The following CYP39A1 variants were observed in gnomAD, a reference collection of about 807,000 sequenced individuals.
The protein encoded by CYP39A1 is cytochrome P450 family 39 subfamily A member 1, also known as 24-hydroxycholesterol 7-alpha-hydroxylase.
In CYP39A1, 49 loss-of-function variants were observed where a neutral mutation model predicts 58.1. That is an observed-to-expected ratio of 0.84 (90% CI 0.67 to 1.07). CYP39A1 has a LOEUF of 1.07. CYP39A1 is among the 50% of genes least tolerant of loss of function. The pLI, the probability that CYP39A1 is intolerant of heterozygous loss-of-function variation, is 0.00. For missense variants in CYP39A1, 531 were observed against 539.4 expected (o/e 0.98, Z 0.16); for synonymous variants, 209 against 187.6 (o/e 1.11, Z -0.93).
chr6:46,575,390 A>T (rs1345376185), intron 10 of CYP39A1, among the ~76,000 whole-genome samples: 2 of 152,172 alleles, frequency 1.3e-5, no homozygotes, highest in Non-Finnish European at 2.9e-5. Flanking sequence ...AGCACACCCC[A>T]GTCTGCTGGC....
chr6:46,647,231 A>C (rs1762381459), intron 1 of CYP39A1, among the ~76,000 whole-genome samples: 1 of 152,198 alleles, frequency 6.6e-6, no homozygotes, highest in Non-Finnish European at 1.5e-5. Flanking sequence ...ATTTTTCAAG[A>C]GACTGGGTTA....
Position 46,550,297 on chromosome 6 carries a change from C to G in CYP39A1, c.*69G>C, listed in dbSNP as rs545044979. ...CAGTGTGTTTTTGTAGAGCTCAGGT[C>G]TAGGTGCTGCCAGGTGGGGTAGTGC... is the stretch of plus-strand genomic sequence containing the variant. On this transcript the variant is annotated 3_prime_UTR_variant, in exon 12 of 12. Coordinates refer to ENST00000275016, the MANE Select transcript of CYP39A1 (RefSeq NM_016593.5). The G allele has an allele frequency of 5.7e-4, 736 of 1,293,296 alleles. 1 individual carries two copies. The highest frequency in any genetic ancestry group is 7.6e-4 in the Non-Finnish European group (684 of 902,452). 80.1% of individuals were successfully genotyped at this position (1,293,296 alleles called of 1,614,324 possible).
At chr6:46,646,090 G>A (rs570636346) in intron 1 of CYP39A1, among the ~76,000 whole-genome samples, 3 of 151,806 alleles carry the variant, frequency 2.0e-5, no homozygotes, top group South Asian at 2.1e-4. Flanking sequence ...TCTTATTTTC[G>A]AATCCATATA....
intron 7 of CYP39A1, among the ~76,000 whole-genome samples, chr6:46,600,959 A>G (rs913622010): frequency 3.3e-5 from 5 of 152,166 alleles, no homozygotes; most frequent in Non-Finnish European, 7.4e-5. Context: ...ACTAATTTCA[A>G]TGGGCATCTG....
At chr6:46,603,212 G>A (rs1773625429) in intron 7 of CYP39A1, among the ~76,000 whole-genome samples, 1 of 152,116 alleles carries the variant, frequency 6.6e-6, no homozygotes, top group Non-Finnish European at 1.5e-5. Flanking sequence ...AAATGTGAAA[G>A]AAAAATAAAA....
intron 10 of CYP39A1, among the ~76,000 whole-genome samples, chr6:46,585,512 G>T (rs567515466): frequency 6.6e-6 from 1 of 152,202 alleles, no homozygotes; most frequent in East Asian, 1.9e-4. Flanking sequence ...TCTCTAAAGT[G>T]AAAATAATAT....
At chr6:46,622,243 A>G (rs894770751) in intron 7 of CYP39A1, among the ~76,000 whole-genome samples, 2 of 152,126 alleles carry the variant, frequency 1.3e-5, no homozygotes, top group Non-Finnish European at 2.9e-5. Flanking sequence ...TTCTGGGACT[A>G]GACAGTGTTG....
chr6:46,609,027 C>T (rs986640236), intron 7 of CYP39A1, among the ~76,000 whole-genome samples: 1 of 152,002 alleles, frequency 6.6e-6, no homozygotes, highest in African/African-American at 2.4e-5. Flanking sequence ...ATGGAGAAAA[C>T]AATAAACACT....
At chr6:46,630,024 A>G (rs1306583985) in intron 6 of CYP39A1, among the ~76,000 whole-genome samples, 2 of 152,030 alleles carry the variant, frequency 1.3e-5, no homozygotes, top group Non-Finnish European at 2.9e-5. Flanking sequence ...TGAACCCGGG[A>G]AGCAGAGGTT....
chr6:46,626,440 T>G (rs1775312172), intron 6 of CYP39A1, among the ~76,000 whole-genome samples: 1 of 152,186 alleles, frequency 6.6e-6, no homozygotes, highest in African/African-American at 2.4e-5. Flanking sequence ...CTGTCTCTTT[T>G]GTGAGGTAAC....
intron 8 of CYP39A1, among the ~76,000 whole-genome samples, chr6:46,595,624 C>T (rs954524341): frequency 2.8e-4 from 42 of 151,800 alleles, no homozygotes; most frequent in Admixed American, 1.1e-3. Flanking sequence ...AGATATTAGT[C>T]AAAGGATACA....
chr6:46,617,740 CA>C (rs1353188374), intron 7 of CYP39A1, among the ~76,000 whole-genome samples: 3 of 152,082 alleles, frequency 2.0e-5, no homozygotes, highest in African/African-American at 7.2e-5. Flanking sequence ...ATTCCTCGTG[CA>C]TAAAATAGGG....
rs373729114 is a variant in CYP39A1, at chr6:46,572,437, T to TATG, written c.1250+14639_1250+14640insCAT. Among the ~76,000 whole-genome samples the TATG allele has an allele frequency of 3.2e-3, 485 of 152,332 alleles. 3 individuals are homozygous for TATG. The highest frequency in any genetic ancestry group is 0.019 in the South Asian group (90 of 4,830). ...ATTTTTGAAGGACAGCTTTGCCAGA[T>TATG]ATATCATTGGTTTTCAGAATGTTTT... On this transcript the variant is annotated intron_variant, in intron 10 of 11. Coordinates refer to ENST00000275016, the MANE Select transcript of CYP39A1 (RefSeq NM_016593.5).
intron 10 of CYP39A1, among the ~76,000 whole-genome samples, chr6:46,579,599 C>T (rs143530405): frequency 2.0e-5 from 3 of 152,104 alleles, no homozygotes; most frequent in Non-Finnish European, 2.9e-5. Context: ...TGATTCTATA[C>T]CTAGAAAACC....
At chr6:46,551,284 T>A (rs7762524) in intron 11 of CYP39A1, among the ~76,000 whole-genome samples, 30,196 of 125,590 alleles carry the variant, frequency 0.24, 3,136 homozygotes, top group Non-Finnish European at 0.24. Context: ...ACTTTGTGTG[T>A]ATGAAGAAGT....
Position 46,609,316 on chromosome 6 carries a change from T to C in CYP39A1, c.932-13196A>G, listed in dbSNP as rs151244764. Among the ~76,000 whole-genome samples, 407 of 149,734 alleles carry C rather than the reference T, an allele frequency of 2.7e-3. 2 individuals carry two copies. The highest frequency in any genetic ancestry group is 9.7e-3 in the African/African-American group (391 of 40,496). On this transcript the variant is annotated intron_variant, in intron 7 of 11. Transcript: ENST00000275016. Reference sequence around the variant, plus strand: ...TACTCGGGAGGCTGAGGCAAGAGAATGGCGTGAACCCGGGAGGCGGAGCTT... The same window carrying C: ...TACTCGGGAGGCTGAGGCAAGAGAACGGCGTGAACCCGGGAGGCGGAGCTT...
At chr6:46,631,342 C>T (rs979518247) in intron 5 of CYP39A1, among the ~76,000 whole-genome samples, 1 of 152,188 alleles carries the variant, frequency 6.6e-6, no homozygotes, top group Non-Finnish European at 1.5e-5. Flanking sequence ...CTACTTTAAT[C>T]TCTCTGTGCC....
In CYP39A1 at chr6:46,596,137, A is replaced by G; in HGVS notation, c.932-17T>C. ...TATCTTTGCCTGTAAAAAAATTTTT[A>G]ATGAGAAATAAATAGACTACAGAGG... On this transcript the variant is annotated splice_polypyrimidine_tract_variant and intron_variant, in intron 7 of 11. Transcript: ENST00000275016. 1.3e-6 allele frequency: 2 copies of G among 1,587,816 alleles called. No individual in the cohort carries two copies. The highest frequency in any genetic ancestry group is 1.7e-6 in the Non-Finnish European group (2 of 1,165,328).
At chr6:46,624,159 C>G (rs938975134) in intron 7 of CYP39A1, among the ~76,000 whole-genome samples, 1 of 152,090 alleles carries the variant, frequency 6.6e-6, no homozygotes, top group African/African-American at 2.4e-5. Context: ...GAGAGGACCC[C>G]CCACGTTATC....
Sources: allele counts gnomAD v4.1 joint callset (sites outside exome capture counted in the v4.1 genomes callset), GRCh38; gene constraint gnomAD v4.1.1; transcripts MANE v1.5; gene names NCBI Gene and HGNC (gene_info 2026-07-23, HGNC 2026-07-21).